Variants in RHBDD1 observed in about 807,000 individuals in gnomAD.
The protein encoded by RHBDD1 is rhomboid-related protein 4.
Under a neutral mutation model 36.3 loss-of-function variants are expected in RHBDD1, and 38 were observed. The observed-to-expected ratio is 1.05, with a 90% confidence interval of 0.81 to 1.37. The LOEUF is 1.37. Ranked by LOEUF, RHBDD1 falls within the 40% of genes most tolerant of loss-of-function variation. The pLI is 0.00. For synonymous variants in RHBDD1, 151 were observed against 136.5 expected, an observed-to-expected ratio of 1.11 and a Z score of -0.74; for missense variants, 393 against 377.6, an observed-to-expected ratio of 1.04 and a Z score of -0.34.
At chr2:226,894,395 A>G (rs1426296153) in intron 5 of RHBDD1, among the ~76,000 whole-genome samples, 2 of 151,978 alleles carry the variant, frequency 1.3e-5, no homozygotes, top group Admixed American at 6.6e-5. Context: ...TCAGCTTCCC[A>G]AGTAGCTGAG....
intron 5 of RHBDD1, among the ~76,000 whole-genome samples, chr2:226,888,727 G>T (rs1946443897): frequency 6.6e-6 from 1 of 152,056 alleles, no homozygotes; most frequent in South Asian, 2.1e-4. Context: ...GAAGAACTCT[G>T]GTTTTTCTAA....
chr2:226,925,914 G>A (rs887767804), intron 8 of RHBDD1, among the ~76,000 whole-genome samples: 3 of 152,010 alleles, frequency 2.0e-5, no homozygotes, highest in African/African-American at 4.8e-5. Context: ...AAATTTATTT[G>A]AATGTAGAGT....
At chr2:226,902,316 C>G (rs1671071840) in intron 5 of RHBDD1, among the ~76,000 whole-genome samples, 1 of 152,188 alleles carries the variant, frequency 6.6e-6, no homozygotes, top group African/African-American at 2.4e-5. Flanking sequence ...CTGATCAGAG[C>G]ATTCAGATGG....
chr2:226,970,572 C>T (rs919906451), intron 8 of RHBDD1, among the ~76,000 whole-genome samples: 1 of 152,180 alleles, frequency 6.6e-6, no homozygotes, highest in Non-Finnish European at 1.5e-5. Flanking sequence ...CATTTCTCTT[C>T]TCAGGGGCTG....
At chr2:226,903,458 G>A (rs1330833244) in intron 5 of RHBDD1, among the ~76,000 whole-genome samples, 1 of 152,076 alleles carries the variant, frequency 6.6e-6, no homozygotes, top group Non-Finnish European at 1.5e-5. Context: ...GATGAGAAAA[G>A]CATAGTATAT....
At chr2:226,855,004 A>G (rs1203475710) in intron 3 of RHBDD1, among the ~76,000 whole-genome samples, 1 of 152,228 alleles carries the variant, frequency 6.6e-6, no homozygotes, top group African/African-American at 2.4e-5. Context: ...CATATGTCCA[A>G]TTTAGTGGTC....
At chr2:226,918,966 G>A (rs937198389) in intron 8 of RHBDD1, among the ~76,000 whole-genome samples, 2 of 151,802 alleles carry the variant, frequency 1.3e-5, no homozygotes, top group South Asian at 2.1e-4. Flanking sequence ...CCATATCCTC[G>A]CAAGCATTTG....
At chr2:226,976,300 G>A (rs565822932) in intron 8 of RHBDD1, among the ~76,000 whole-genome samples, 64 of 147,480 alleles carry the variant, frequency 4.3e-4, no homozygotes, top group Non-Finnish European at 1.3e-4. Flanking sequence ...CACCCCCCTG[G>A]AGACACCACT....
chr2:226,974,580 C>A (rs1402389668), intron 8 of RHBDD1, among the ~76,000 whole-genome samples: 1 of 152,178 alleles, frequency 6.6e-6, no homozygotes, highest in Non-Finnish European at 1.5e-5. Flanking sequence ...GTATTAACTT[C>A]TTTAGAGTCA....
the RHBDD1 span, among the ~76,000 whole-genome samples, chr2:226,824,105 T>C: frequency 6.6e-6 from 1 of 152,190 alleles, no homozygotes; most frequent in African/African-American, 2.4e-5. Flanking sequence ...TCTCTCTATA[T>C]ATATATCCAT....
intron 3 of RHBDD1, among the ~76,000 whole-genome samples, chr2:226,848,182 A>G (rs576889005): frequency 1.3e-5 from 2 of 152,324 alleles, no homozygotes; most frequent in East Asian, 3.9e-4. Flanking sequence ...TTTGCACATT[A>G]CTTGGTAATA....
chr2:226,890,771 A>G (rs760666632), intron 5 of RHBDD1, among the ~76,000 whole-genome samples: 1 of 152,204 alleles, frequency 6.6e-6, no homozygotes, highest in Non-Finnish European at 1.5e-5. Context: ...CAAATATTTC[A>G]TATATTCCAT....
At chr2:226,913,943 C>T (rs565813952) in intron 7 of RHBDD1, among the ~76,000 whole-genome samples, 2 of 152,224 alleles carry the variant, frequency 1.3e-5, no homozygotes, top group Admixed American at 6.5e-5. Context: ...ATTCCAGTCT[C>T]TTCCCCAGGA....
chr2:226,832,161 T>G (rs1940759359), upstream of RHBDD1, among the ~76,000 whole-genome samples: 1 of 152,218 alleles, frequency 6.6e-6, no homozygotes. Flanking sequence ...TTTTGATCAC[T>G]GTTTTAGCTG....
chr2:226,811,719 T>C, the RHBDD1 span, among the ~76,000 whole-genome samples: 1 of 152,256 alleles, frequency 6.6e-6, no homozygotes, highest in Non-Finnish European at 1.5e-5. Flanking sequence ...ATTCGACCAG[T>C]GCTTTCTAAA....
At chr2:226,955,448 T>C (rs1445349275) in intron 8 of RHBDD1, among the ~76,000 whole-genome samples, 1 of 152,362 alleles carries the variant, frequency 6.6e-6, no homozygotes, top group East Asian at 1.9e-4. Context: ...TGTTGTACAA[T>C]ATGCAGCTTT....
At chr2:226,928,830 A>T (rs1438588026) in intron 8 of RHBDD1, among the ~76,000 whole-genome samples, 2 of 152,048 alleles carry the variant, frequency 1.3e-5, no homozygotes. Context: ...CACTACAACC[A>T]TCACCACAGA....
At position 226,916,870 on chromosome 2, in the gene RHBDD1, A is replaced by G. The variant is rs771191422; in HGVS notation, c.856+2519A>G. 1.2e-4 allele frequency among the ~76,000 whole-genome samples: 19 copies of G among 152,312 alleles called. 1 individual carries two copies. The highest frequency in any genetic ancestry group is 6.2e-4 in the South Asian group (3 of 4,826). ...TATACAGGAAGTTAGTACTAGTAGT[A>G]CAGGTGTCTTTTTTGAAAGAGAAAG... On this transcript the variant is annotated intron_variant, in intron 8 of 8. Coordinates refer to ENST00000392062, the MANE Select transcript of RHBDD1 (RefSeq NM_001167608.3).
chr2:226,984,849 G>A (rs981937291), intron 8 of RHBDD1, among the ~76,000 whole-genome samples: 12 of 147,870 alleles, frequency 8.1e-5, no homozygotes, highest in African/African-American at 2.7e-4. Flanking sequence ...TCTGAACCAG[G>A]CATCAGGCAC....
Sources: gnomAD v4.1 joint callset for allele counts (sites outside exome capture counted in the v4.1 genomes callset) on GRCh38, gnomAD v4.1.1 for gene constraint, MANE v1.5 for transcripts, NCBI Gene and HGNC (gene_info 2026-07-23, HGNC 2026-07-21) for gene names.